Variants in PCDH11X observed in about 807,000 individuals in gnomAD.
PCDH11X encodes protocadherin-11 X-linked.
In PCDH11X, 18 loss-of-function variants were observed where a neutral mutation model predicts 53.3. The observed-to-expected ratio is 0.34, with a 90% confidence interval of 0.23 to 0.50. The LOEUF (loss-of-function observed/expected upper bound fraction) is 0.50, where lower values mean the gene tolerates loss of function less well. Among genes scored for constraint, PCDH11X ranks in the 20% least tolerant of loss-of-function variants. PCDH11X has a pLI of 0.98. For missense variants in PCDH11X, 570 were observed against 1,032.4 expected (o/e 0.55, Z 6.14); for synonymous variants, 279 against 393.3 (o/e 0.71, Z 3.44).
At chrX:92,268,093 TAAAAC>T (rs760826193) in intron 8 of PCDH11X, among the ~76,000 whole-genome samples, 4 of 112,286 alleles carry the variant, frequency 3.6e-5, no homozygotes, top group African/African-American at 1.3e-4. Flanking sequence ...GTTATCTAAA[TAAAAC>T]AAATTCTAAT....
chrX:92,163,438 C>T (rs1485885106), intron 6 of PCDH11X, among the ~76,000 whole-genome samples: 2 of 110,349 alleles, frequency 1.8e-5, no homozygotes, highest in African/African-American at 6.6e-5. Flanking sequence ...CCTCTGGCAG[C>T]CCTCCCCAAG....
chrX:92,513,031 A>G (rs1474378318), intron 10 of PCDH11X, among the ~76,000 whole-genome samples: 1 of 110,252 alleles, frequency 9.1e-6, no homozygotes, highest in East Asian at 2.9e-4. Flanking sequence ...TAATATGAGG[A>G]TTAATTGAGA....
rs767369174 is a variant in PCDH11X at position 92,561,467 on chromosome X, A to C, written c.3368-56797A>C. On this transcript the variant is annotated intron_variant, in intron 10 of 10. Transcript: ENST00000682573. Reference sequence around the variant, plus strand: ...TAACAAAGAGATTAAAATAATTAAAAGGAATCAACCAGAAATTCTGGAGCT... The same window carrying C: ...TAACAAAGAGATTAAAATAATTAAACGGAATCAACCAGAAATTCTGGAGCT... Among the ~76,000 whole-genome samples the C allele has an allele frequency of 1.1e-4, 9 of 80,083 alleles. No homozygotes were observed. In the East Asian group the frequency reaches 3.9e-3, roughly 35 times the overall value. 69.5% of individuals were successfully genotyped at this position (80,083 alleles called of 115,157 possible).
At chrX:92,013,869 T>C (rs1396195387) in intron 6 of PCDH11X, among the ~76,000 whole-genome samples, 1 of 111,641 alleles carries the variant, frequency 9.0e-6, no homozygotes, top group Non-Finnish European at 1.9e-5. Flanking sequence ...TTACACCTTA[T>C]ACAAAAATGA....
chrX:91,798,453 A>G (rs1204715320), intron 1 of PCDH11X, among the ~76,000 whole-genome samples: 5 of 107,608 alleles, frequency 4.6e-5, no homozygotes, highest in African/African-American at 1.4e-4. Flanking sequence ...ACCAGGCATG[A>G]TGGCGGGCGC....
chrX:91,907,412 C>CACAGAGAGAGAGAGAG (rs756926383), intron 6 of PCDH11X, among the ~76,000 whole-genome samples: 14 of 57,494 alleles, frequency 2.4e-4, no homozygotes, highest in Middle Eastern at 0.011. Context: ...CACACACACA[C>CACAGAGAGAGAGAGAG]AGAGAGAGAG....
At chrX:92,113,395 T>C in intron 6 of PCDH11X, 1 of 1,202,161 alleles carries the variant, frequency 8.3e-7, no homozygotes, top group Non-Finnish European at 1.1e-6. Context: ...TCTGTGGATA[T>C]AGTTTTCCCT....
chrX:92,583,120 G>A (rs1233979629), intron 10 of PCDH11X, among the ~76,000 whole-genome samples: 1 of 88,796 alleles, frequency 1.1e-5, no homozygotes, highest in Non-Finnish European at 2.2e-5. Flanking sequence ...TTTTTTTTTA[G>A]ATGGATTCTC....
intron 6 of PCDH11X, among the ~76,000 whole-genome samples, chrX:91,968,475 G>A (rs190828754): frequency 9.0e-6 from 1 of 111,172 alleles, no homozygotes; most frequent in East Asian, 2.8e-4. Flanking sequence ...GCTAGTTTGT[G>A]TACACCACAA....
chrX:92,041,526 A>G (rs1028946080), intron 6 of PCDH11X, among the ~76,000 whole-genome samples: 13 of 110,924 alleles, frequency 1.2e-4, no homozygotes, highest in South Asian at 3.8e-4. Context: ...AAAAACGTCA[A>G]TGTAAGGTGA....
chrX:92,098,205 C>A (rs934359905), intron 6 of PCDH11X, among the ~76,000 whole-genome samples: 3 of 110,526 alleles, frequency 2.7e-5, no homozygotes, highest in African/African-American at 9.9e-5. Context: ...TGTTTCCTGG[C>A]CTACACTAAT....
chrX:92,210,519 A>G (rs1394930640), intron 7 of PCDH11X, among the ~76,000 whole-genome samples: 1 of 110,711 alleles, frequency 9.0e-6, no homozygotes, highest in Admixed American at 9.6e-5. Flanking sequence ...GATTACAGGC[A>G]TGAGCAACTG....
chrX:92,591,505 C>T (rs1263224833), intron 10 of PCDH11X, among the ~76,000 whole-genome samples: 1 of 111,069 alleles, frequency 9.0e-6, no homozygotes, highest in Non-Finnish European at 1.9e-5. Flanking sequence ...TATTTAGGAC[C>T]CCTATCAGCT....
chrX:91,980,474 TG>T (rs2062111584), intron 6 of PCDH11X, among the ~76,000 whole-genome samples: 1 of 110,972 alleles, frequency 9.0e-6, no homozygotes, highest in South Asian at 3.8e-4. Context: ...TTTTTCGTTT[TG>T]TTTTAATTTG....
chrX:92,288,794 C>A (rs1269801927), intron 8 of PCDH11X, among the ~76,000 whole-genome samples: 1 of 108,705 alleles, frequency 9.2e-6, no homozygotes, highest in African/African-American at 3.4e-5. Context: ...GGTTTTATAT[C>A]ATCCCAGTAA....
At chrX:92,086,762 G>A (rs182607299) in intron 6 of PCDH11X, among the ~76,000 whole-genome samples, 95 of 110,804 alleles carry the variant, frequency 8.6e-4, no homozygotes, top group African/African-American at 2.7e-3. Context: ...TTGTGACAGT[G>A]TTCTGTGTGG....
Position 92,505,186 on chromosome X carries a change from A to G in PCDH11X, c.3367+36864A>G, listed in dbSNP as rs1419141581. ...TTTTTTGTTTTTTTTTGCTGTGCAG[A>G]TGCACTTTAGTTTAATTAAGTCACA... On this transcript the variant is annotated intron_variant, in intron 10 of 10. Coordinates refer to ENST00000682573, the MANE Select transcript of PCDH11X (RefSeq NM_032968.5). 9.1e-5 allele frequency among the ~76,000 whole-genome samples: 5 copies of G among 54,711 alleles called. No homozygotes were observed. In the East Asian group the frequency reaches 1.9e-3, roughly 21 times the overall value. The allele number at this position is 54,711 out of a possible 115,157, so 47.5% of individuals were successfully genotyped here. A position where few individuals can be genotyped will look rare whatever the true frequency, so the allele number is the denominator to read the frequency against.
intron 6 of PCDH11X, among the ~76,000 whole-genome samples, chrX:91,911,940 G>C (rs1408533372): frequency 2.7e-5 from 3 of 109,956 alleles, no homozygotes; most frequent in Non-Finnish European, 5.7e-5. Flanking sequence ...CCATTTTTTT[G>C]GTATTGTCTT....
chrX:92,290,061 G>T (rs1358228820), intron 8 of PCDH11X, among the ~76,000 whole-genome samples: 2 of 111,420 alleles, frequency 1.8e-5, no homozygotes, highest in South Asian at 7.5e-4. Context: ...CTGCAATTTC[G>T]ATCAAATAAT....
Sources: allele counts gnomAD v4.1 joint callset (sites outside exome capture counted in the v4.1 genomes callset), GRCh38; gene constraint gnomAD v4.1.1; transcripts MANE v1.5; gene names NCBI Gene and HGNC (gene_info 2026-07-23, HGNC 2026-07-21).